The following ZFP64 variants were observed in gnomAD, a reference collection of about 807,000 sequenced individuals.
The protein encoded by ZFP64 is zinc finger protein 64.
A neutral mutation model predicts 51.6 loss-of-function variants in ZFP64; 14 were observed. That is an observed-to-expected ratio of 0.27 (90% CI 0.18 to 0.42). ZFP64 has a LOEUF of 0.42. ZFP64 is among the 10% of genes least tolerant of loss of function. The pLI is 1.00. For missense variants in ZFP64, 754 were observed against 906.8 expected, an observed-to-expected ratio of 0.83 and a Z score of 2.16; for synonymous variants, 375 against 361.4, an observed-to-expected ratio of 1.04 and a Z score of -0.43.
intron 5 of ZFP64, among the ~76,000 whole-genome samples, chr20:52,120,023 G>A (rs955128534): frequency 2.6e-5 from 4 of 152,056 alleles, no homozygotes; most frequent in African/African-American, 7.2e-5. Context: ...ACACGGCTTT[G>A]GGCAGGTGTT....
intron 5 of ZFP64, among the ~76,000 whole-genome samples, chr20:52,121,052 C>T (rs998810738): frequency 6.6e-6 from 1 of 152,152 alleles, no homozygotes; most frequent in African/African-American, 2.4e-5. Flanking sequence ...AAGACGGGAA[C>T]TTAATTGACA....
rs538149981 is a variant in ZFP64 at position 52,152,402 on chromosome 20, C to A, written c.1790G>T (p.Gly597Val). Reference protein sequence around the residue: ...IPTASGGPQEGSGNQTFITSS... With the variant: ...IPTASGGPQEVSGNQTFITSS... ...GGTAATGAAAGTTTGATTGCCAGAG[C>A]CTTCCTGGGGGCCACCTGAGGCCGT... Residue 597 changes from glycine (G) to valine (V), a missense_variant, in exon 6 of 6, where the codon GGC becomes GTC. This residue lies in a region of ZFP64 where 428 missense variants were observed against 472.4 expected (regional missense o/e 0.91). Transcript: ENST00000216923. 2.5e-6 allele frequency: 4 copies of A among 1,614,092 alleles called. No individual in the cohort carries two copies. Among genetic ancestry groups the A allele is most frequent in the East Asian group, 2.2e-5 (1 of 44,894 alleles).
chr20:52,175,232 C>T (rs964624332), intron 2 of ZFP64, among the ~76,000 whole-genome samples: 10 of 152,298 alleles, frequency 6.6e-5, no homozygotes, highest in African/African-American at 1.9e-4. Context: ...AAGTGATTCT[C>T]CTGCCTAAGC....
intron 5 of ZFP64, among the ~76,000 whole-genome samples, chr20:52,120,493 G>GT (rs911996160): frequency 3.9e-5 from 6 of 151,958 alleles, no homozygotes. Flanking sequence ...GACACTGTGT[G>GT]TTTTTTTCTT....
At chr20:52,175,960 G>A in intron 2 of ZFP64, 2 of 985,296 alleles carry the variant, frequency 2.0e-6, no homozygotes, top group Non-Finnish European at 2.4e-6. Context: ...GTCCACAGTG[G>A]GCGTTAGACC....
intron 5 of ZFP64, among the ~76,000 whole-genome samples, chr20:52,118,667 TGGGAATATGAAAGCAA>T (rs1979005890): frequency 6.6e-6 from 1 of 152,236 alleles, no homozygotes; most frequent in African/African-American, 2.4e-5. Context: ...TGCTAACCTT[TGGGAATATGAAAGCAA>T]GTCTTTAAAG....
At position 52,187,077 on chromosome 20, in the gene ZFP64, T is replaced by C. The variant is rs764089478; in HGVS notation, c.47-6A>G. 1.4e-5 allele frequency: 23 copies of C among 1,600,470 alleles called. No individual in the cohort carries two copies. Among genetic ancestry groups the C allele is most frequent in the Non-Finnish European group, 1.9e-5 (22 of 1,169,108 alleles). ...CACCGTTGTGCCACCTGGAACTCCA[T>C]GGGACAAAGGGAAAGTAACGGATTA... On this transcript the variant is annotated splice_region_variant and splice_polypyrimidine_tract_variant and intron_variant, in intron 1 of 5. Transcript: ENST00000216923.
intron 5 of ZFP64, among the ~76,000 whole-genome samples, chr20:52,122,149 T>C (rs967774690): frequency 6.6e-6 from 1 of 152,212 alleles, no homozygotes; most frequent in African/African-American, 2.4e-5. Context: ...AATGTTGTTT[T>C]CATGCCTGCT....
intron 2 of ZFP64, among the ~76,000 whole-genome samples, chr20:52,181,654 G>T (rs1428484102): frequency 6.6e-6 from 1 of 152,172 alleles, no homozygotes; most frequent in Non-Finnish European, 1.5e-5. Context: ...TTGGACTGTG[G>T]TCTTGAGCAG....
At chr20:52,131,211 AAAG>A (rs1308266548) in intron 5 of ZFP64, among the ~76,000 whole-genome samples, 1 of 151,794 alleles carries the variant, frequency 6.6e-6, no homozygotes, top group Non-Finnish European at 1.5e-5. Flanking sequence ...GAAAGAAGAA[AAAG>A]AAGAAAGGAA....
intron 5 of ZFP64, among the ~76,000 whole-genome samples, chr20:52,117,027 G>A (rs1338077170): frequency 3.3e-5 from 5 of 152,080 alleles, no homozygotes; most frequent in South Asian, 2.1e-4. Context: ...AGCCGAGATC[G>A]TGCCATTGCA....
chr20:52,120,476 C>T (rs1600725826), intron 5 of ZFP64, among the ~76,000 whole-genome samples: 1 of 152,094 alleles, frequency 6.6e-6, no homozygotes, highest in Non-Finnish European at 1.5e-5. Flanking sequence ...CTTTATCGCA[C>T]GTCACAGACA....
At chr20:52,106,253 C>T (rs993618208) in intron 5 of ZFP64, among the ~76,000 whole-genome samples, 19 of 152,260 alleles carry the variant, frequency 1.2e-4, no homozygotes, top group African/African-American at 4.3e-4. Flanking sequence ...CCGAGGGAGA[C>T]CCCTCCTTGC....
chr20:52,104,908 G>C, intron 5 of ZFP64: 1 of 657,262 alleles, frequency 1.5e-6, no homozygotes, highest in South Asian at 1.7e-5. Context: ...CTTGAGAGGA[G>C]TGGCTAGAGG....
At chr20:52,084,535 C>T in exon 9 of ZFP64, 1 of 1,597,798 alleles carries the variant, frequency 6.3e-7, no homozygotes, top group Non-Finnish European at 8.5e-7. Context: ...GTTCCGACAG[C>T]TGACCACCCT....
At chr20:52,092,580 T>A (rs1033865982) in intron 7 of ZFP64, among the ~76,000 whole-genome samples, 1 of 152,212 alleles carries the variant, frequency 6.6e-6, no homozygotes, top group African/African-American at 2.4e-5. Flanking sequence ...CCGGGTGCAG[T>A]GGCTCACACC....
rs146128676 is a variant in ZFP64, at chr20:52,156,175, A to G, written c.764-2747T>C. On this transcript the variant is annotated intron_variant, in intron 5 of 5. Coordinates refer to ENST00000216923, the MANE Select transcript of ZFP64 (RefSeq NM_018197.3). ...AATCAGTTGGGCGTCGATTATGCCA[A>G]TGTCTGAACTTGCTGTAGATTATAA... 2.6e-5 allele frequency among the ~76,000 whole-genome samples: 4 copies of G among 152,336 alleles called. No individual in the cohort carries two copies. In the East Asian group the frequency reaches 7.7e-4, roughly 29 times the overall value.
chr20:52,173,450 T>C (rs902317064), intron 2 of ZFP64, among the ~76,000 whole-genome samples: 1 of 152,050 alleles, frequency 6.6e-6, no homozygotes, highest in African/African-American at 2.4e-5. Flanking sequence ...TAGCTGGGTG[T>C]GATGCTGTGT....
intron 5 of ZFP64, among the ~76,000 whole-genome samples, chr20:52,110,095 G>A (rs1273326237): frequency 6.6e-6 from 1 of 152,032 alleles, no homozygotes; most frequent in Non-Finnish European, 1.5e-5. Context: ...CTTCTCTATA[G>A]CACCAATTCC....
Sources: gnomAD v4.1 joint callset for allele counts (sites outside exome capture counted in the v4.1 genomes callset) on GRCh38, gnomAD v4.1.1 for gene constraint, gnomAD v4.1.1 regional missense constraint, MANE v1.5 for transcripts, NCBI Gene and HGNC (gene_info 2026-07-23, HGNC 2026-07-21) for gene names.